Variants in GRIP1 observed in about 807,000 individuals in gnomAD.
The protein encoded by GRIP1 is glutamate receptor-interacting protein 1.
In GRIP1, 45 loss-of-function variants were observed where a neutral mutation model predicts 129.9. The observed-to-expected ratio is 0.35, with a 90% CI of 0.27 to 0.44. The LOEUF is 0.44. GRIP1 is among the 20% of genes least tolerant of loss of function. GRIP1 has a pLI of 1.00. For missense variants in GRIP1, 1,196 were observed against 1,396.8 expected, an observed-to-expected ratio of 0.86 and a Z score of 2.29; for synonymous variants, 530 against 520.8, an observed-to-expected ratio of 1.02 and a Z score of -0.24.
chr12:66,999,482 A>C (rs1486632042), intron 1 of GRIP1, among the ~76,000 whole-genome samples: 1 of 152,194 alleles, frequency 6.6e-6, no homozygotes, highest in East Asian at 1.9e-4. Flanking sequence ...CTATATAATA[A>C]ACGCTATTCA....
At chr12:66,544,322 T>C (rs1592522221) in intron 2 of GRIP1, among the ~76,000 whole-genome samples, 1 of 152,172 alleles carries the variant, frequency 6.6e-6, no homozygotes, top group Non-Finnish European at 1.5e-5. Flanking sequence ...ACGTATTGAA[T>C]GCCTACTCTG....
chr12:66,972,812 C>T (rs958467973), intron 1 of GRIP1, among the ~76,000 whole-genome samples: 1 of 152,180 alleles, frequency 6.6e-6, no homozygotes, highest in African/African-American at 2.4e-5. Context: ...AAGATGCTTT[C>T]CAGAAACCAT....
chr12:66,790,858 T>C (rs1027016393), intron 1 of GRIP1, among the ~76,000 whole-genome samples: 1 of 151,714 alleles, frequency 6.6e-6, no homozygotes, highest in African/African-American at 2.4e-5. Flanking sequence ...TTCAGAGAGT[T>C]AGAAGGGCCA....
At chr12:67,025,707 T>A (rs540041653) in intron 1 of GRIP1, among the ~76,000 whole-genome samples, 46 of 152,140 alleles carry the variant, frequency 3.0e-4, no homozygotes, top group Non-Finnish European at 6.2e-4. Flanking sequence ...CCAGATGGTA[T>A]CTTGGGTCAT....
chr12:66,839,986 T>A (rs73331114), intron 1 of GRIP1, among the ~76,000 whole-genome samples: 2,481 of 152,276 alleles, frequency 0.016, 69 homozygotes, highest in African/African-American at 0.055. Flanking sequence ...AATTCAATAA[T>A]TTAATCCTTG....
Position 66,925,923 on chromosome 12 carries a change from C to T in GRIP1, c.58+143127G>A, listed in dbSNP as rs990683055. On this transcript the variant is annotated intron_variant, in intron 1 of 1. Coordinates refer to the GRIP1 transcript ENST00000643019. ...CCTTCCAAAGTGCTGGGATTATAGG[C>T]GTGAGCCACTGCGCCCAGCCAGTAA... Among the ~76,000 whole-genome samples the T allele has an allele frequency of 1.6e-4, 25 of 152,200 alleles. No individual in the cohort carries two copies. The South Asian group carries it at 1.7e-3, about 10-fold the overall frequency.
At chr12:66,716,175 G>A (rs2035881379) in intron 1 of GRIP1, among the ~76,000 whole-genome samples, 1 of 151,850 alleles carries the variant, frequency 6.6e-6, no homozygotes, top group South Asian at 2.1e-4. Context: ...ACTTTGAGAA[G>A]CATTAAAAAA....
chr12:66,348,248 A>AT lies in GRIP1; in HGVS notation c.*770dup, dbSNP rs2137042510. Reference sequence around the variant, plus strand: ...CATTCTCTGAAGTTCTTAGTCTTGAATTTTAAAAATAAGATAATATAACTA... The same window carrying AT: ...CATTCTCTGAAGTTCTTAGTCTTGAATTTTTAAAAATAAGATAATATAACTA... On this transcript the variant is annotated 3_prime_UTR_variant, in exon 25 of 25. Transcript: ENST00000359742. The AT allele has an allele frequency of 6.6e-6, 1 of 152,202 alleles. No individual in the cohort carries two copies. The highest frequency in any genetic ancestry group is 2.1e-4 in the South Asian group (1 of 4,820). 9.4% of individuals were successfully genotyped at this position (152,202 alleles called of 1,614,324 possible).
At chr12:66,543,241 C>A (rs1395472501) in intron 2 of GRIP1, among the ~76,000 whole-genome samples, 1 of 152,074 alleles carries the variant, frequency 6.6e-6, no homozygotes, top group Non-Finnish European at 1.5e-5. Flanking sequence ...TTTGAGTTTG[C>A]CAGCTCCTGT....
intron 16 of GRIP1, among the ~76,000 whole-genome samples, chr12:66,405,223 G>A (rs530407591): frequency 2.0e-4 from 31 of 151,968 alleles, no homozygotes; most frequent in Non-Finnish European, 3.5e-4. Flanking sequence ...TTGTGGATAC[G>A]GTTTAGGCAA....
intron 15 of GRIP1, among the ~76,000 whole-genome samples, chr12:66,410,660 A>G (rs1013630655): frequency 8.9e-6 from 1 of 112,358 alleles, no homozygotes; most frequent in Admixed American, 8.7e-5. Flanking sequence ...CAAACAAACA[A>G]ACAAACAAAC....
chr12:66,586,059 A>T (rs1345513372), intron 2 of GRIP1, among the ~76,000 whole-genome samples: 1 of 152,102 alleles, frequency 6.6e-6, no homozygotes, highest in Non-Finnish European at 1.5e-5. Context: ...TTCTCCATAG[A>T]CCACATGCTC....
chr12:66,366,449 G>A (rs2055149322), intron 23 of GRIP1, among the ~76,000 whole-genome samples: 1 of 152,176 alleles, frequency 6.6e-6, no homozygotes, highest in African/African-American at 2.4e-5. Context: ...GAACTTGGCA[G>A]GGGGAAAAGG....
chr12:66,354,686 C>CAAAACA (rs757473924), intron 23 of GRIP1, among the ~76,000 whole-genome samples: 2 of 151,948 alleles, frequency 1.3e-5, no homozygotes, highest in Non-Finnish European at 2.9e-5. Flanking sequence ...GTAAAATAGT[C>CAAAACA]AAAACAAAAA....
chr12:66,726,181 A>T (rs1260644892), intron 1 of GRIP1, among the ~76,000 whole-genome samples: 1 of 152,080 alleles, frequency 6.6e-6, no homozygotes, highest in Non-Finnish European at 1.5e-5. Context: ...AAAATAAATT[A>T]ATGTAATAGC....
chr12:66,751,985 G>A (rs559946493), intron 1 of GRIP1, among the ~76,000 whole-genome samples: 1 of 152,064 alleles, frequency 6.6e-6, no homozygotes, highest in African/African-American at 2.4e-5. Flanking sequence ...AGGTAAGCAT[G>A]CCACAAATCC....
At chr12:66,555,651 A>G (rs925878964) in intron 2 of GRIP1, among the ~76,000 whole-genome samples, 10 of 152,200 alleles carry the variant, frequency 6.6e-5, no homozygotes, top group African/African-American at 1.9e-4. Flanking sequence ...ACTGGAGGAA[A>G]CTTGATGAAA....
intron 1 of GRIP1, chr12:67,069,038 C>T (rs1355922421): frequency 7.1e-6 from 7 of 981,922 alleles, no homozygotes; most frequent in South Asian, 9.4e-5. Flanking sequence ...CCGGCCCCGC[C>T]GCCTGGCTCA....
At chr12:66,401,517 T>C (rs1297239951) in intron 16 of GRIP1, among the ~76,000 whole-genome samples, 2 of 150,466 alleles carry the variant, frequency 1.3e-5, no homozygotes, top group African/African-American at 2.5e-5. Context: ...AGGCGGAGGT[T>C]GCAGTGAGCC....
Sources: gnomAD v4.1 joint callset for allele counts (sites outside exome capture counted in the v4.1 genomes callset) on GRCh38, gnomAD v4.1.1 for gene constraint, MANE v1.5 for transcripts, NCBI Gene and HGNC (gene_info 2026-07-23, HGNC 2026-07-21) for gene names.